ETS1: variants seen among roughly 807,000 people sequenced by gnomAD.
ETS1 encodes the protein ETS proto-oncogene 1, transcription factor.
A neutral mutation model predicts 58.6 loss-of-function variants in ETS1; 15 were observed. The observed-to-expected ratio is 0.26, with a 90% CI of 0.17 to 0.39. The LOEUF (loss-of-function observed/expected upper bound fraction) is 0.39, where lower values mean the gene tolerates loss of function less well. Among genes scored for constraint, ETS1 ranks in the 10% least tolerant of loss-of-function variants. The pLI is 1.00. For synonymous variants in ETS1, 214 were observed against 218.2 expected (o/e 0.98, Z 0.17); for missense variants, 417 against 610.5 (o/e 0.68, Z 3.34).
intron 3 of ETS1, among the ~76,000 whole-genome samples, chr11:128,498,059 G>A (rs993427421): frequency 1.3e-5 from 2 of 152,200 alleles, no homozygotes; most frequent in Admixed American, 6.5e-5. Context: ...AGCCTGGCAA[G>A]TGAAGGTACA....
At chr11:128,585,135 GAAAA>G (rs1565421696) in intron 1 of ETS1, among the ~76,000 whole-genome samples, 4 of 6,528 alleles carry the variant, frequency 6.1e-4, no homozygotes, top group Non-Finnish European at 1.0e-3. Flanking sequence ...AAGAAAGAAA[GAAAA>G]GAAAGAAAGA....
chr11:128,502,561 A>G (rs959293523), intron 3 of ETS1, among the ~76,000 whole-genome samples: 9 of 152,232 alleles, frequency 5.9e-5, no homozygotes, highest in African/African-American at 1.9e-4. Flanking sequence ...GGAGACAAAT[A>G]AAGAGGCCAA....
At chr11:128,465,404 T>A (rs1297294473) in intron 8 of ETS1, among the ~76,000 whole-genome samples, 2 of 152,206 alleles carry the variant, frequency 1.3e-5, no homozygotes, top group African/African-American at 4.8e-5. Context: ...CGTTTCGTAT[T>A]CAACTCAGGG....
At chr11:128,493,926 A>G (rs1862870606) in intron 3 of ETS1, among the ~76,000 whole-genome samples, 1 of 152,226 alleles carries the variant, frequency 6.6e-6, no homozygotes, top group Non-Finnish European at 1.5e-5. Flanking sequence ...ATCAAAAACA[A>G]TGACAAAATC....
intron 3 of ETS1, among the ~76,000 whole-genome samples, chr11:128,511,843 G>A (rs551627451): frequency 7.2e-5 from 11 of 152,312 alleles, no homozygotes; most frequent in East Asian, 1.9e-4. Context: ...CTAACTCTCC[G>A]CTTATTTGCC....
intron 8 of ETS1, 52 bp downstream of exon 8, chr11:128,480,139 A>C (rs1862440784): frequency 1.9e-6 from 3 of 1,598,008 alleles, no homozygotes; most frequent in Non-Finnish European, 2.6e-6. Context: ...CCAGGACCCC[A>C]CCCACAGAAA....
chr11:128,569,318 C>CTTTTTTTTTTTTTTTTTTTTT lies in ETS1; in HGVS notation c.69+3723_69+3743dup, dbSNP rs398018017. Among the ~76,000 whole-genome samples the CTTTTTTTTTTTTTTTTTTTTT allele has an allele frequency of 5.8e-3, 227 of 39,470 alleles. 86 individuals carry two copies. Among genetic ancestry groups the CTTTTTTTTTTTTTTTTTTTTT allele is most frequent in the African/African-American group, 7.0e-3 (64 of 9,134 alleles). The allele number at this position is 39,470 out of a possible 152,430, so 25.9% of individuals were successfully genotyped here. A position where few individuals can be genotyped will look rare whatever the true frequency, so the allele number is the denominator to read the frequency against. ...TACCATACATGGGACAGAGTTTCTT[C>CTTTTTTTTTTTTTTTTTTTTT]TTTTTTTTTTTTTTTTTTTTTTTTG... is the stretch of plus-strand genomic sequence containing the variant. On this transcript the variant is annotated intron_variant, in intron 2 of 9. Transcript: ENST00000392668.
intron 2 of ETS1, among the ~76,000 whole-genome samples, chr11:128,560,682 G>A (rs891792022): frequency 6.6e-6 from 1 of 152,192 alleles, no homozygotes; most frequent in Non-Finnish European, 1.5e-5. Flanking sequence ...ATGAATTATG[G>A]CAATGTGCAT....
At chr11:128,529,315 A>G (rs1380179131) in intron 3 of ETS1, among the ~76,000 whole-genome samples, 1 of 152,106 alleles carries the variant, frequency 6.6e-6, no homozygotes, top group African/African-American at 2.4e-5. Flanking sequence ...TATATTGAGG[A>G]AGGGTATGGG....
chr11:128,508,757 GA>G (rs1261953084), intron 3 of ETS1, among the ~76,000 whole-genome samples: 1 of 152,230 alleles, frequency 6.6e-6, no homozygotes, highest in African/African-American at 2.4e-5. Context: ...GGCTCCTCTA[GA>G]ACAGGAATTT....
At chr11:128,552,328 G>A (rs1027895094) in intron 3 of ETS1, among the ~76,000 whole-genome samples, 2 of 152,176 alleles carry the variant, frequency 1.3e-5, no homozygotes, top group Admixed American at 1.3e-4. Flanking sequence ...TTGAGTGAAG[G>A]TTTTACTGTG....
intron 3 of ETS1, among the ~76,000 whole-genome samples, chr11:128,537,822 T>A (rs555698335): frequency 1.4e-4 from 22 of 152,174 alleles, no homozygotes; most frequent in African/African-American, 5.3e-4. Context: ...CTGGGAAATA[T>A]TCCATTGTTT....
At chr11:128,569,526 G>T (rs1023431884) in intron 2 of ETS1, among the ~76,000 whole-genome samples, 6 of 151,186 alleles carry the variant, frequency 4.0e-5, no homozygotes, top group African/African-American at 1.2e-4. Context: ...ACCCCTCCAG[G>T]GTATCTTAGA....
chr11:128,575,856 C>G (rs192858244), intron 1 of ETS1, among the ~76,000 whole-genome samples: 1 of 152,334 alleles, frequency 6.6e-6, no homozygotes, highest in Non-Finnish European at 1.5e-5. Context: ...ATTTTACTTA[C>G]GTATTTCTAA....
intron 1 of ETS1, among the ~76,000 whole-genome samples, chr11:128,584,057 T>A (rs761202272): frequency 7.2e-5 from 11 of 152,246 alleles, no homozygotes; most frequent in Non-Finnish European, 7.3e-5. Context: ...AAATGGAGTT[T>A]ACATATTGTT....
intron 8 of ETS1, among the ~76,000 whole-genome samples, chr11:128,472,056 G>T (rs1252981195): frequency 1.3e-5 from 2 of 152,218 alleles, no homozygotes; most frequent in Admixed American, 6.5e-5. Flanking sequence ...TAGCCAGAGT[G>T]TGTTGAATAG....
intron 3 of ETS1, chr11:128,536,403 T>C (rs1455001493): frequency 6.6e-6 from 1 of 152,220 alleles, no homozygotes; most frequent in African/African-American, 2.4e-5. Flanking sequence ...AATAAAAATA[T>C]AAGATGCATA....
intron 3 of ETS1, among the ~76,000 whole-genome samples, chr11:128,527,652 A>G (rs1378434198): frequency 6.6e-6 from 1 of 152,192 alleles, no homozygotes; most frequent in Non-Finnish European, 1.5e-5. Flanking sequence ...GAGAACCAAC[A>G]TCCTTTAATA....
intron 1 of ETS1, among the ~76,000 whole-genome samples, chr11:128,574,598 G>C (rs1864705264): frequency 6.6e-6 from 1 of 152,040 alleles, no homozygotes; most frequent in Admixed American, 6.6e-5. Flanking sequence ...ACCTATGATG[G>C]GTCTGACTCT....
Sources: allele counts gnomAD v4.1 joint callset (sites outside exome capture counted in the v4.1 genomes callset), GRCh38; gene constraint gnomAD v4.1.1; transcripts MANE v1.5; gene names NCBI Gene and HGNC (gene_info 2026-07-23, HGNC 2026-07-21).